Variants in PCDH15 observed in about 807,000 individuals in gnomAD.
PCDH15 encodes protocadherin related 15, also known as protocadherin-15.
Under a neutral mutation model 178.5 loss-of-function variants are expected in PCDH15, and 129 were observed. The observed-to-expected ratio is 0.72, with a 90% CI of 0.63 to 0.84. PCDH15 has a LOEUF of 0.84. PCDH15 is among the 40% of genes least tolerant of loss of function. The pLI is 0.00. For missense variants in PCDH15, 2,230 were observed against 2,099.9 expected, an observed-to-expected ratio of 1.06 and a Z score of -1.21; for synonymous variants, 800 against 732.0, an observed-to-expected ratio of 1.09 and a Z score of -1.50.
intron 2 of PCDH15, among the ~76,000 whole-genome samples, chr10:55,019,312 T>G (rs1359226878): frequency 6.6e-6 from 1 of 152,174 alleles, no homozygotes; most frequent in Admixed American, 6.6e-5. Context: ...ACTTCAAACA[T>G]AATACAACAT....
intron 37 of PCDH15, chr10:53,808,517 T>C: frequency 7.0e-7 from 1 of 1,427,958 alleles, no homozygotes. Flanking sequence ...CAGTCTAATA[T>C]ACAAATGGAT....
intron 1 of PCDH15, among the ~76,000 whole-genome samples, chr10:54,795,649 A>G (rs1278153372): frequency 6.6e-6 from 1 of 151,948 alleles, no homozygotes; most frequent in Non-Finnish European, 1.5e-5. Context: ...GCAAGGCCAC[A>G]AATGAAATAT....
At chr10:54,603,314 C>CT (rs989334571) in intron 2 of PCDH15, among the ~76,000 whole-genome samples, 32 of 151,816 alleles carry the variant, frequency 2.1e-4, no homozygotes, top group African/African-American at 7.7e-4. Context: ...TTTTATTTGT[C>CT]TTTTTCAAAA....
chr10:54,946,454 A>G (rs1838202338), intron 2 of PCDH15, among the ~76,000 whole-genome samples: 1 of 151,722 alleles, frequency 6.6e-6, no homozygotes, highest in Non-Finnish European at 1.5e-5. Flanking sequence ...GGAGTGAGGG[A>G]ATGAACAGAG....
At chr10:55,004,613 T>C (rs1839878798) in intron 2 of PCDH15, among the ~76,000 whole-genome samples, 1 of 152,138 alleles carries the variant, frequency 6.6e-6, no homozygotes, top group Non-Finnish European at 1.5e-5. Flanking sequence ...CTAATTTCTG[T>C]TTTCCTGCAC....
At chr10:54,053,240 TG>T (rs1404302323) in intron 18 of PCDH15, among the ~76,000 whole-genome samples, 1 of 152,220 alleles carries the variant, frequency 6.6e-6, no homozygotes, top group African/African-American at 2.4e-5. Flanking sequence ...AAGACAAATA[TG>T]TATGTTTAGA....
At chr10:55,007,630 T>A (rs1325425313) in intron 2 of PCDH15, among the ~76,000 whole-genome samples, 1 of 152,170 alleles carries the variant, frequency 6.6e-6, no homozygotes, top group East Asian at 1.9e-4. Context: ...TTCCTTTACA[T>A]GTAAAACTCC....
chr10:54,662,919 G>C (rs750568904), intron 2 of PCDH15, among the ~76,000 whole-genome samples: 1 of 151,798 alleles, frequency 6.6e-6, no homozygotes, highest in Non-Finnish European at 1.5e-5. Context: ...TATACATACT[G>C]CTTTTAAAAA....
At chr10:53,991,087 C>T (rs1589798038) in intron 21 of PCDH15, among the ~76,000 whole-genome samples, 2 of 151,572 alleles carry the variant, frequency 1.3e-5, no homozygotes, top group Admixed American at 1.3e-4. Flanking sequence ...CATGGCCGAA[C>T]CCCCCCCACC....
chr10:55,500,985 A>G (rs1224241708), intron 2 of PCDH15, among the ~76,000 whole-genome samples: 1 of 151,796 alleles, frequency 6.6e-6, no homozygotes, highest in Non-Finnish European at 1.5e-5. Flanking sequence ...GAGATATGTT[A>G]AAGTCCTAAT....
At chr10:53,885,780 C>G (rs2081051296) in intron 26 of PCDH15, among the ~76,000 whole-genome samples, 1 of 152,062 alleles carries the variant, frequency 6.6e-6, no homozygotes, top group Non-Finnish European at 1.5e-5. Context: ...GAGTATTCCT[C>G]AGTGGAATAA....
chr10:54,898,541 A>C (rs184356523), intron 2 of PCDH15, among the ~76,000 whole-genome samples: 2 of 152,138 alleles, frequency 1.3e-5, no homozygotes, highest in South Asian at 4.1e-4. Flanking sequence ...CTTTCTCTCA[A>C]TAAGATAAAG....
At chr10:54,200,411 C>T (rs1423574245) in intron 10 of PCDH15, among the ~76,000 whole-genome samples, 1 of 151,788 alleles carries the variant, frequency 6.6e-6, no homozygotes, top group Non-Finnish European at 1.5e-5. Context: ...TCTCCTAATG[C>T]TATCCCTCCC....
At chr10:54,344,979 TTATA>T (rs1554915309) in intron 6 of PCDH15, among the ~76,000 whole-genome samples, 45 of 142,592 alleles carry the variant, frequency 3.2e-4, no homozygotes, top group Non-Finnish European at 6.0e-4. Context: ...TATATATATA[TTATA>T]TATATATACT....
At chr10:54,308,487 A>G (rs2133434190) in intron 8 of PCDH15, among the ~76,000 whole-genome samples, 1 of 151,906 alleles carries the variant, frequency 6.6e-6, no homozygotes, top group East Asian at 1.9e-4. Flanking sequence ...TTATTTATTT[A>G]TTCCACTAAA....
At position 53,803,531 on chromosome 10, in the gene PCDH15, CAT is replaced by C. The variant is rs917325722; in HGVS notation, c.*3046_*3047del. The C allele has an allele frequency of 6.6e-6, 1 of 151,938 alleles. No homozygotes were observed. The highest frequency in any genetic ancestry group is 1.5e-5 in the Non-Finnish European group (1 of 67,906). 9.4% of individuals were successfully genotyped at this position (151,938 alleles called of 1,614,324 possible). A position where few individuals can be genotyped will look rare whatever the true frequency, so the allele number is the denominator to read the frequency against. The stretch of plus-strand genomic sequence containing the variant: ...GTAAAATAACATGAATGACATATCA[CAT>C]ATAAAATTCAAGGCAAACTTTCTTC... On this transcript the variant is annotated 3_prime_UTR_variant, in exon 38 of 38. Transcript: ENST00000644397.
intron 3 of PCDH15, among the ~76,000 whole-genome samples, chr10:54,446,771 C>A (rs2076165537): frequency 6.6e-6 from 1 of 151,394 alleles, no homozygotes; most frequent in African/African-American, 2.4e-5. Context: ...TCGGATTAGG[C>A]TCTTGCTTGC....
chr10:54,071,449 GT>G (rs2094240494), intron 17 of PCDH15, among the ~76,000 whole-genome samples: 1 of 151,966 alleles, frequency 6.6e-6, no homozygotes, highest in Non-Finnish European at 1.5e-5. Flanking sequence ...AGGGATGTTT[GT>G]TTTTTATTTA....
chr10:55,076,560 T>A (rs142619715), intron 2 of PCDH15, among the ~76,000 whole-genome samples: 256 of 151,962 alleles, frequency 1.7e-3, no homozygotes, highest in Middle Eastern at 0.01. Flanking sequence ...TTCTTGTGCC[T>A]CAGCCTCCAA....
Sources: gnomAD v4.1 joint callset for allele counts (sites outside exome capture counted in the v4.1 genomes callset) on GRCh38, gnomAD v4.1.1 for gene constraint, MANE v1.5 for transcripts, NCBI Gene and HGNC (gene_info 2026-07-23, HGNC 2026-07-21) for gene names.